The following ABLIM1 variants were observed in gnomAD, a reference collection of about 807,000 sequenced individuals.
The protein encoded by ABLIM1 is actin binding LIM protein 1, also known as actin-binding LIM protein 1.
ABLIM1 carries 40 observed loss-of-function variants against 107.0 expected under a neutral mutation model. That is an observed-to-expected ratio of 0.37 (90% CI 0.29 to 0.49). The LOEUF (loss-of-function observed/expected upper bound fraction) is 0.49. Among genes scored for constraint, ABLIM1 ranks in the 20% least tolerant of loss-of-function variants. The pLI is 0.97. For missense variants in ABLIM1, 857 were observed against 1,008.5 expected (o/e 0.85, Z 2.04); for synonymous variants, 357 against 357.3 (o/e 1.00, Z 0.01).
At chr10:114,578,842 A>T (rs2072997970) in intron 2 of ABLIM1, among the ~76,000 whole-genome samples, 1 of 133,268 alleles carries the variant, frequency 7.5e-6, no homozygotes, top group Non-Finnish European at 1.5e-5. Flanking sequence ...GCTGGAGTGC[A>T]GTGGCATGAT....
intron 2 of ABLIM1, among the ~76,000 whole-genome samples, chr10:114,581,509 T>A (rs2073370300): frequency 6.6e-6 from 1 of 152,238 alleles, no homozygotes; most frequent in Non-Finnish European, 1.5e-5. Context: ...TTCATCCATA[T>A]CAGTAGACTG....
chr10:114,552,937 C>T (rs73359067), intron 4 of ABLIM1, among the ~76,000 whole-genome samples: 1,941 of 152,288 alleles, frequency 0.013, 51 homozygotes, highest in African/African-American at 0.045. Context: ...CTTCAGTGCT[C>T]AGACATCCCA....
At chr10:114,724,663 A>C (rs1298042504) in intron 1 of ABLIM1, among the ~76,000 whole-genome samples, 2 of 152,138 alleles carry the variant, frequency 1.3e-5, no homozygotes, top group Admixed American at 6.5e-5. Flanking sequence ...CACCCTAATA[A>C]AGGCCAGGAG....
intron 12 of ABLIM1, among the ~76,000 whole-genome samples, chr10:114,460,619 C>T (rs1233964580): frequency 6.6e-6 from 1 of 152,008 alleles, no homozygotes; most frequent in Non-Finnish European, 1.5e-5. Flanking sequence ...CAAAAAAAAG[C>T]AATTTAAGAG....
intron 1 of ABLIM1, among the ~76,000 whole-genome samples, chr10:114,738,293 A>G (rs1296162658): frequency 6.6e-6 from 1 of 151,990 alleles, no homozygotes; most frequent in Non-Finnish European, 1.5e-5. Flanking sequence ...CAAGTGATCC[A>G]CCCACCTTGG....
chr10:114,470,448 A>G (rs1472499462), intron 10 of ABLIM1, among the ~76,000 whole-genome samples: 1 of 150,728 alleles, frequency 6.6e-6, no homozygotes, highest in East Asian at 1.9e-4. Context: ...AAAAAAGGCA[A>G]TATGTATATG....
chr10:114,615,056 A>G (rs1246736108), intron 1 of ABLIM1, among the ~76,000 whole-genome samples: 4 of 151,650 alleles, frequency 2.6e-5, no homozygotes, highest in Non-Finnish European at 5.9e-5. Context: ...GTCTCAAAAA[A>G]AAAAAAAGAA....
chr10:114,788,425 AAAAG>A, the ABLIM1 span, among the ~76,000 whole-genome samples: 2 of 151,812 alleles, frequency 1.3e-5, no homozygotes, highest in African/African-American at 2.4e-5. Context: ...AAAAAAAAAA[AAAAG>A]AAAGAAATCT....
Position 114,593,412 on chromosome 10 carries a change from C to T in ABLIM1, c.379+8415G>A, listed in dbSNP as rs143674389. On this transcript the variant is annotated intron_variant, in intron 2 of 22. Coordinates refer to ENST00000533213, the MANE Select transcript of ABLIM1 (RefSeq NM_002313.7). ...AACAAAAGAATCACAGCACAGCAGG[C>T]AGCATGAGTTTTGTATTTGTTACTG... 2.0e-3 allele frequency among the ~76,000 whole-genome samples: 312 copies of T among 152,270 alleles called. 2 individuals carry two copies. The highest frequency in any genetic ancestry group is 7.2e-3 in the African/African-American group (300 of 41,550).
chr10:114,628,477 T>C (rs2483607), intron 1 of ABLIM1, among the ~76,000 whole-genome samples: 109,063 of 152,090 alleles, frequency 0.72, 39,121 homozygotes, highest in South Asian at 0.75. Flanking sequence ...TGTGGGTATG[T>C]GTATGTGTGC....
At chr10:114,632,358 G>C (rs571671647) in intron 1 of ABLIM1, 94 of 985,424 alleles carry the variant, frequency 9.5e-5, no homozygotes, top group Non-Finnish European at 1.1e-4. Context: ...GAGGAGGACC[G>C]AGCACCAGCT....
chr10:114,491,957 G>A, intron 6 of ABLIM1, 79 bp from the exon 7 acceptor site: 1 of 1,159,206 alleles, frequency 8.6e-7, no homozygotes, highest in Non-Finnish European at 1.2e-6. Context: ...TGATGATTTA[G>A]AAGAAAAGAG....
chr10:114,598,846 T>A (rs910192483), intron 2 of ABLIM1, among the ~76,000 whole-genome samples: 20 of 152,238 alleles, frequency 1.3e-4, no homozygotes, highest in East Asian at 3.9e-4. Flanking sequence ...ATTTTTTTTT[T>A]AATTTATTTT....
At chr10:114,499,165 G>A (rs1400023673) in intron 6 of ABLIM1, among the ~76,000 whole-genome samples, 1 of 152,188 alleles carries the variant, frequency 6.6e-6, no homozygotes, top group African/African-American at 2.4e-5. Context: ...TTCTCATACA[G>A]GGACCCTCAG....
chr10:114,634,134 T>TC (rs1457691025), intron 1 of ABLIM1, among the ~76,000 whole-genome samples: 7 of 91,064 alleles, frequency 7.7e-5, no homozygotes, highest in African/African-American at 2.2e-4. Flanking sequence ...TTTTTCTTTT[T>TC]TTTTTTTTTT....
chr10:114,581,474 G>T (rs1051666448), intron 2 of ABLIM1, among the ~76,000 whole-genome samples: 16 of 152,108 alleles, frequency 1.1e-4, no homozygotes, highest in African/African-American at 3.9e-4. Context: ...GTGGGTTTTG[G>T]GGGCAAAATG....
At chr10:114,748,909 G>A (rs529697150) in intron 1 of ABLIM1, among the ~76,000 whole-genome samples, 7 of 152,168 alleles carry the variant, frequency 4.6e-5, no homozygotes, top group African/African-American at 1.4e-4. Flanking sequence ...CTGGCTTCAA[G>A]CGATCCTTCT....
At chr10:114,597,041 A>C (rs2075482288) in intron 2 of ABLIM1, among the ~76,000 whole-genome samples, 1 of 152,122 alleles carries the variant, frequency 6.6e-6, no homozygotes, top group South Asian at 2.1e-4. Flanking sequence ...CCAGGTCTTG[A>C]CCAAAAGCCC....
At chr10:114,781,051 T>A in the ABLIM1 span, among the ~76,000 whole-genome samples, 3,856 of 152,166 alleles carry the variant, frequency 0.025, 82 homozygotes, top group Middle Eastern at 0.048. Context: ...CAGAATCACT[T>A]CTCCTGAGAA....
Sources: allele counts gnomAD v4.1 joint callset (sites outside exome capture counted in the v4.1 genomes callset), GRCh38; gene constraint gnomAD v4.1.1; transcripts MANE v1.5; gene names NCBI Gene and HGNC (gene_info 2026-07-23, HGNC 2026-07-21).